Variants in HYAL4 observed in about 807,000 individuals in gnomAD.
HYAL4 encodes hyaluronidase 4.
In HYAL4, 37 loss-of-function variants were observed where a neutral mutation model predicts 35.2. That is an observed-to-expected ratio of 1.05 (90% CI 0.81 to 1.38). HYAL4 has a LOEUF of 1.38. HYAL4 is among the 40% of genes most tolerant of loss of function. The pLI is 0.00. For missense variants in HYAL4, 572 were observed against 572.4 expected (o/e 1.00, Z 0.01); for synonymous variants, 198 against 203.2 (o/e 0.97, Z 0.22).
the HYAL4 span, among the ~76,000 whole-genome samples, chr7:123,763,938 C>T: frequency 6.6e-6 from 1 of 152,224 alleles, no homozygotes; most frequent in Non-Finnish European, 1.5e-5. Flanking sequence ...GTCTTCTCTC[C>T]TGTTTCCCCC....
At chr7:123,792,571 TG>T in the HYAL4 span, among the ~76,000 whole-genome samples, 2 of 152,196 alleles carry the variant, frequency 1.3e-5, no homozygotes, top group African/African-American at 4.8e-5. Flanking sequence ...CCTGCTTGAC[TG>T]GGTCTTTTAG....
chr7:123,859,566 T>A (rs769440571), intron 2 of HYAL4, among the ~76,000 whole-genome samples: 5 of 151,956 alleles, frequency 3.3e-5, no homozygotes, highest in Non-Finnish European at 5.9e-5. Context: ...TCATTTCCAT[T>A]AAAAAAAATC....
chr7:123,827,087 G>A (rs928746608), upstream of HYAL4, among the ~76,000 whole-genome samples: 4 of 152,082 alleles, frequency 2.6e-5, no homozygotes, highest in African/African-American at 9.7e-5. Context: ...AGGTCTGGGT[G>A]GTACACATTT....
At chr7:123,792,176 A>G in the HYAL4 span, among the ~76,000 whole-genome samples, 1 of 152,222 alleles carries the variant, frequency 6.6e-6, no homozygotes, top group Non-Finnish European at 1.5e-5. Context: ...GTATCAATAA[A>G]TTCTTCAGGA....
the HYAL4 span, among the ~76,000 whole-genome samples, chr7:123,816,259 A>G: frequency 6.6e-6 from 1 of 152,178 alleles, no homozygotes; most frequent in Non-Finnish European, 1.5e-5. Flanking sequence ...GCAACATAGA[A>G]TACAGCAAAT....
chr7:123,841,101 T>G (rs1806049585), upstream of HYAL4, among the ~76,000 whole-genome samples: 1 of 152,038 alleles, frequency 6.6e-6, no homozygotes, highest in Non-Finnish European at 1.5e-5. Flanking sequence ...TTTTGCCCAT[T>G]CAGTATGATA....
rs1563003470 is a variant in HYAL4 at position 123,868,589 on chromosome 7, G to T, written c.316G>T (p.Val106Phe). Residue 106 changes from valine (V) to phenylalanine (F), a missense_variant, in exon 3 of 5, where the codon GTC becomes TTC. Val to Phe is a conservative substitution (Grantham distance 50). Coordinates refer to ENST00000223026, the MANE Select transcript of HYAL4 (RefSeq NM_012269.3). The stretch of plus-strand genomic sequence containing the variant: ...CTATCCGTGGTATACATCACAAGGG[G>T]TCCCCATTAATGGAGGTCTCCCACA... Reference protein sequence around the residue: ...GYYPWYTSQGVPINGGLPQNI... With the variant: ...GYYPWYTSQGFPINGGLPQNI... The T allele has an allele frequency of 5.6e-6, 9 of 1,614,068 alleles. No individual in the cohort carries two copies. The highest frequency in any genetic ancestry group is 6.8e-6 in the Non-Finnish European group (8 of 1,180,034).
the HYAL4 span, chr7:123,819,462 A>G: frequency 6.6e-6 from 1 of 152,614 alleles, no homozygotes. Context: ...AGCAACTTGA[A>G]TATACTTTTG....
the HYAL4 span, among the ~76,000 whole-genome samples, chr7:123,797,804 A>G: frequency 6.6e-6 from 1 of 152,124 alleles, no homozygotes; most frequent in Non-Finnish European, 1.5e-5. Context: ...CTATCAATCA[A>G]AAATGGCAAT....
At chr7:123,864,000 A>T (rs1415729955) in intron 2 of HYAL4, among the ~76,000 whole-genome samples, 1 of 152,060 alleles carries the variant, frequency 6.6e-6, no homozygotes, top group African/African-American at 2.4e-5. Flanking sequence ...CACCTTCTTC[A>T]CTGTCTCCTT....
the HYAL4 span, among the ~76,000 whole-genome samples, chr7:123,787,347 A>G: frequency 6.6e-6 from 1 of 151,452 alleles, no homozygotes; most frequent in Non-Finnish European, 1.5e-5. Context: ...AGCTGAGGAG[A>G]GGAAAGGATT....
chr7:123,863,945 C>A (rs563952896), intron 2 of HYAL4, among the ~76,000 whole-genome samples: 28 of 152,196 alleles, frequency 1.8e-4, no homozygotes, highest in Non-Finnish European at 1.3e-4. Context: ...ACTCTTGTAG[C>A]TGTACATGGT....
chr7:123,802,576 T>C, the HYAL4 span, among the ~76,000 whole-genome samples: 1 of 152,080 alleles, frequency 6.6e-6, no homozygotes, highest in Non-Finnish European at 1.5e-5. Context: ...TAACCCACAT[T>C]GTAAATCCCA....
the HYAL4 span, among the ~76,000 whole-genome samples, chr7:123,764,990 CAT>C: frequency 6.6e-6 from 1 of 152,062 alleles, no homozygotes; most frequent in African/African-American, 2.4e-5. Flanking sequence ...CCAGCAATAA[CAT>C]ATTATAATTA....
chr7:123,798,638 A>G, the HYAL4 span, among the ~76,000 whole-genome samples: 2 of 152,196 alleles, frequency 1.3e-5, no homozygotes, highest in Admixed American at 6.5e-5. Flanking sequence ...CAAACATGCC[A>G]TTTACTCCCT....
At chr7:123,850,010 T>TA (rs1305569378) in intron 2 of HYAL4, among the ~76,000 whole-genome samples, 2 of 141,562 alleles carry the variant, frequency 1.4e-5, no homozygotes, top group African/African-American at 5.3e-5. Flanking sequence ...CAGGTAGAAT[T>TA]AGAGTGACAC....
At chr7:123,809,746 A>G in the HYAL4 span, among the ~76,000 whole-genome samples, 2 of 152,116 alleles carry the variant, frequency 1.3e-5, no homozygotes, top group African/African-American at 4.8e-5. Flanking sequence ...CATTGTAGCC[A>G]TCACCACCAT....
intron 1 of HYAL4, among the ~76,000 whole-genome samples, chr7:123,835,774 T>C (rs1805954488): frequency 1.3e-5 from 2 of 152,184 alleles, no homozygotes; most frequent in South Asian, 4.1e-4. Flanking sequence ...TAATAGGTTG[T>C]GTCACTATTG....
At chr7:123,846,346 G>T (rs1806173751) in intron 1 of HYAL4, among the ~76,000 whole-genome samples, 1 of 152,072 alleles carries the variant, frequency 6.6e-6, no homozygotes, top group Non-Finnish European at 1.5e-5. Flanking sequence ...TGGGGGTGTT[G>T]TTCCCAGGCC....
Sources: allele counts gnomAD v4.1 joint callset (sites outside exome capture counted in the v4.1 genomes callset), GRCh38; gene constraint gnomAD v4.1.1; transcripts MANE v1.5; gene names NCBI Gene and HGNC (gene_info 2026-07-23, HGNC 2026-07-21).